ATP10B: variants seen among roughly 807,000 people sequenced by gnomAD.
ATP10B encodes the protein ATPase phospholipid transporting 10B (putative), also known as phospholipid-transporting ATPase VB.
A neutral mutation model predicts 141.2 loss-of-function variants in ATP10B; 122 were observed. The ratio of observed to expected loss-of-function variants is 0.86; its 90% confidence interval spans 0.75 to 1.00. The LOEUF is 1.00. Among genes scored for constraint, ATP10B ranks in the 50% least tolerant of loss-of-function variants. The pLI, the probability that ATP10B is intolerant of heterozygous loss-of-function variation, is 0.00. For missense variants in ATP10B, 1,876 were observed against 1,825.3 expected (o/e 1.03, Z -0.51); for synonymous variants, 685 against 692.0 (o/e 0.99, Z 0.16).
At chr5:160,648,532 A>G (rs1760460463) in intron 8 of ATP10B, among the ~76,000 whole-genome samples, 2 of 152,204 alleles carry the variant, frequency 1.3e-5, no homozygotes, top group African/African-American at 4.8e-5. Context: ...GCAGAATTGC[A>G]GTAAAATGCT....
At chr5:160,818,900 C>A (rs147408758) in intron 1 of ATP10B, among the ~76,000 whole-genome samples, 2 of 151,926 alleles carry the variant, frequency 1.3e-5, no homozygotes, top group African/African-American at 2.4e-5. Flanking sequence ...ATTTCAAGGA[C>A]AAAAAACCAA....
chr5:160,586,603 A>C (rs1561628063), intron 24 of ATP10B, among the ~76,000 whole-genome samples: 1 of 152,206 alleles, frequency 6.6e-6, no homozygotes, highest in African/African-American at 2.4e-5. Context: ...AACAGTGTAA[A>C]AGCGTTCCTA....
At chr5:160,682,097 C>G (rs542381751) in intron 6 of ATP10B, among the ~76,000 whole-genome samples, 9 of 152,270 alleles carry the variant, frequency 5.9e-5, no homozygotes, top group Non-Finnish European at 7.3e-5. Context: ...CTATCTGGTC[C>G]CTGTAGCCAA....
chr5:160,761,189 A>T (rs1769005467), intron 2 of ATP10B, among the ~76,000 whole-genome samples: 1 of 152,210 alleles, frequency 6.6e-6, no homozygotes, highest in African/African-American at 2.4e-5. Context: ...GGCTAACCAG[A>T]GGTCCTGAGT....
At chr5:160,633,844 C>T (rs1396579565) in intron 12 of ATP10B, 3 of 269,090 alleles carry the variant, frequency 1.1e-5, no homozygotes, top group Non-Finnish European at 2.2e-5. Context: ...GGTAACAGTC[C>T]AGGCATTTTA....
At chr5:160,877,880 A>G in the ATP10B span, among the ~76,000 whole-genome samples, 2 of 147,302 alleles carry the variant, frequency 1.4e-5, no homozygotes, top group Non-Finnish European at 3.0e-5. Context: ...ATGAAATAAA[A>G]GAGGAAACAA....
intron 24 of ATP10B, among the ~76,000 whole-genome samples, chr5:160,576,239 G>C (rs1461843168): frequency 6.6e-6 from 1 of 152,176 alleles, no homozygotes; most frequent in South Asian, 2.1e-4. Flanking sequence ...AAGAGTTACT[G>C]TGAGTGTCTA....
At chr5:160,837,437 T>G (rs773084395) in intron 1 of ATP10B, among the ~76,000 whole-genome samples, 15 of 152,170 alleles carry the variant, frequency 9.9e-5, no homozygotes, top group Non-Finnish European at 2.1e-4. Context: ...ATGAGTAATT[T>G]CTGAAAGGGA....
intron 2 of ATP10B, among the ~76,000 whole-genome samples, chr5:160,739,615 T>C (rs1767335071): frequency 6.6e-6 from 1 of 152,126 alleles, no homozygotes; most frequent in African/African-American, 2.4e-5. Context: ...ACTAACAACA[T>C]GAAAACAATC....
intron 3 of ATP10B, among the ~76,000 whole-genome samples, chr5:160,701,490 C>T (rs1184554968): frequency 6.6e-6 from 1 of 152,186 alleles, no homozygotes; most frequent in African/African-American, 2.4e-5. Context: ...TCTTCCTTAT[C>T]CCATTTTAGC....
intron 1 of ATP10B, among the ~76,000 whole-genome samples, chr5:160,788,643 G>T (rs1402790674): frequency 3.9e-5 from 6 of 152,110 alleles, no homozygotes; most frequent in Admixed American, 3.9e-4. Flanking sequence ...TCAATAGAAT[G>T]CCCTGAAAGG....
chr5:160,734,145 A>G (rs886321017), intron 2 of ATP10B, among the ~76,000 whole-genome samples: 7 of 151,002 alleles, frequency 4.6e-5, no homozygotes, highest in Admixed American at 4.0e-4. Flanking sequence ...AAGGCAAAAT[A>G]TATGTTACAT....
At chr5:160,645,088 G>C (rs1760181894) in intron 8 of ATP10B, among the ~76,000 whole-genome samples, 2 of 146,578 alleles carry the variant, frequency 1.4e-5, no homozygotes, top group Non-Finnish European at 3.0e-5. Context: ...TTGCACTCCA[G>C]CCTGGGCTAC....
chr5:160,812,051 A>AGAGG (rs1269441027), intron 1 of ATP10B, among the ~76,000 whole-genome samples: 1 of 149,308 alleles, frequency 6.7e-6, no homozygotes, highest in African/African-American at 2.5e-5. Flanking sequence ...AGAGAGAGAG[A>AGAGG]GAGAGAGAGG....
At chr5:160,588,853 A>C (rs550940855) in intron 24 of ATP10B, among the ~76,000 whole-genome samples, 1 of 152,282 alleles carries the variant, frequency 6.6e-6, no homozygotes, top group South Asian at 2.1e-4. Context: ...GCCTTCTTAG[A>C]TATCAAAATG....
chr5:160,858,211 T>C, the ATP10B span, among the ~76,000 whole-genome samples: 1 of 151,932 alleles, frequency 6.6e-6, no homozygotes, highest in East Asian at 1.9e-4. Context: ...CTTTTGACCA[T>C]TATATAATGT....
At chr5:160,683,276 A>G (rs1340731652) in intron 6 of ATP10B, among the ~76,000 whole-genome samples, 1 of 152,164 alleles carries the variant, frequency 6.6e-6, no homozygotes, top group African/African-American at 2.4e-5. Context: ...TATCCTTCAG[A>G]TTAATTTTTC....
At chr5:160,820,565 A>G (rs1774022593) in intron 1 of ATP10B, among the ~76,000 whole-genome samples, 1 of 152,190 alleles carries the variant, frequency 6.6e-6, no homozygotes, top group African/African-American at 2.4e-5. Flanking sequence ...CTCTGATACC[A>G]AAACCAGACA....
chr5:160,873,342 G>C, the ATP10B span, among the ~76,000 whole-genome samples: 1 of 152,012 alleles, frequency 6.6e-6, no homozygotes, highest in African/African-American at 2.4e-5. Flanking sequence ...AACAAGGCAA[G>C]GTTATTCCAT....
Sources: gnomAD v4.1 joint callset for allele counts (sites outside exome capture counted in the v4.1 genomes callset) on GRCh38, gnomAD v4.1.1 for gene constraint, MANE v1.5 for transcripts, NCBI Gene and HGNC (gene_info 2026-07-23, HGNC 2026-07-21) for gene names.